Variants in CLSTN2 observed in about 807,000 individuals in gnomAD.
CLSTN2 encodes the protein calsyntenin-2.
Under a neutral mutation model 101.2 loss-of-function variants are expected in CLSTN2, and 48 were observed. The ratio of observed to expected loss-of-function variants is 0.47; its 90% CI spans 0.38 to 0.60. CLSTN2 has a LOEUF of 0.60. CLSTN2 is among the 20% of genes least tolerant of loss of function. The pLI is 0.00. For missense variants in CLSTN2, 1,160 were observed against 1,238.2 expected, an observed-to-expected ratio of 0.94 and a Z score of 0.95; for synonymous variants, 481 against 463.6, an observed-to-expected ratio of 1.04 and a Z score of -0.48.
At chr3:140,142,250 T>C (rs2009713286) in intron 1 of CLSTN2, among the ~76,000 whole-genome samples, 1 of 152,186 alleles carries the variant, frequency 6.6e-6, no homozygotes, top group Non-Finnish European at 1.5e-5. Flanking sequence ...CGTGGTTTCA[T>C]TGTTAATTTC....
intron 1 of CLSTN2, among the ~76,000 whole-genome samples, chr3:139,969,035 A>G (rs1439972510): frequency 6.9e-6 from 1 of 145,948 alleles, no homozygotes; most frequent in East Asian, 2.0e-4. Flanking sequence ...GGAGTTGTCT[A>G]GGACTTGGTA....
At chr3:140,375,905 G>T (rs575511766) in intron 2 of CLSTN2, among the ~76,000 whole-genome samples, 1 of 152,220 alleles carries the variant, frequency 6.6e-6, no homozygotes, top group South Asian at 2.1e-4. Flanking sequence ...CATCTTGGAT[G>T]CCCAGAAACA....
At chr3:140,317,836 T>C (rs896558099) in intron 2 of CLSTN2, among the ~76,000 whole-genome samples, 5 of 152,202 alleles carry the variant, frequency 3.3e-5, no homozygotes, top group Admixed American at 2.0e-4. Context: ...GTAATTTTTA[T>C]AATCAAGGCT....
intron 2 of CLSTN2, among the ~76,000 whole-genome samples, chr3:140,245,086 C>A (rs2086503780): frequency 6.6e-6 from 1 of 152,084 alleles, no homozygotes; most frequent in South Asian, 2.1e-4. Context: ...TTCGGGAGAC[C>A]CTGATCTAGT....
intron 1 of CLSTN2, among the ~76,000 whole-genome samples, chr3:140,003,181 C>T (rs902641054): frequency 2.6e-5 from 4 of 152,120 alleles, no homozygotes; most frequent in African/African-American, 9.7e-5. Context: ...AATATTGATT[C>T]TTCCAATCTA....
intron 4 of CLSTN2, among the ~76,000 whole-genome samples, chr3:140,413,401 A>G (rs2088388594): frequency 6.6e-6 from 1 of 152,164 alleles, no homozygotes; most frequent in African/African-American, 2.4e-5. Flanking sequence ...AATTCATAAT[A>G]ATAGTTTTTT....
intron 2 of CLSTN2, among the ~76,000 whole-genome samples, chr3:140,228,001 G>A (rs2086338388): frequency 6.6e-6 from 1 of 152,318 alleles, no homozygotes; most frequent in African/African-American, 2.4e-5. Context: ...TCTCTGACAT[G>A]CCCTGGAGAC....
intron 8 of CLSTN2, among the ~76,000 whole-genome samples, chr3:140,502,236 G>C (rs915473851): frequency 1.3e-5 from 2 of 152,198 alleles, no homozygotes; most frequent in Admixed American, 1.3e-4. Flanking sequence ...GCTCAGCACT[G>C]TCTGACCTGA....
chr3:140,025,592 TGAG>T (rs1272042263), intron 1 of CLSTN2, among the ~76,000 whole-genome samples: 29 of 152,044 alleles, frequency 1.9e-4, no homozygotes, highest in African/African-American at 6.8e-4. Context: ...TGACAGATGA[TGAG>T]GAGGGAGTTA....
chr3:140,038,459 C>A (rs1386077875), intron 1 of CLSTN2, among the ~76,000 whole-genome samples: 1 of 151,876 alleles, frequency 6.6e-6, no homozygotes, highest in African/African-American at 2.4e-5. Context: ...GTCAGATGGA[C>A]AGATTGTAAA....
At chr3:140,152,096 C>T (rs1025261656) in intron 1 of CLSTN2, among the ~76,000 whole-genome samples, 2 of 152,182 alleles carry the variant, frequency 1.3e-5, no homozygotes, top group Admixed American at 6.5e-5. Context: ...TACAAAATTA[C>T]ATCTGTTAGA....
chr3:140,230,294 A>G (rs1047624074), intron 2 of CLSTN2, among the ~76,000 whole-genome samples: 3 of 152,202 alleles, frequency 2.0e-5, no homozygotes, highest in Non-Finnish European at 4.4e-5. Flanking sequence ...TCAAATGGAT[A>G]GCATCATAAG....
At chr3:140,006,820 G>A (rs992712854) in intron 1 of CLSTN2, among the ~76,000 whole-genome samples, 7 of 152,138 alleles carry the variant, frequency 4.6e-5, no homozygotes, top group African/African-American at 1.2e-4. Flanking sequence ...TCAGTAAATA[G>A]TAGCTCTATC....
intron 2 of CLSTN2, among the ~76,000 whole-genome samples, chr3:140,377,022 C>CACAGAGAGAGAGAGAGAGAGAGAG (rs148236356): frequency 1.9e-4 from 28 of 148,832 alleles, no homozygotes; most frequent in Middle Eastern, 6.9e-3. Context: ...CACACATACA[C>CACAGAGAGAGAGAGAGAGAGAGAG]AGAGAGAGAG....
intron 1 of CLSTN2, among the ~76,000 whole-genome samples, chr3:139,956,806 ATAAT>A (rs1441156751): frequency 4.6e-5 from 7 of 152,314 alleles, no homozygotes; most frequent in Admixed American, 1.3e-4. Flanking sequence ...AAAAAAATAC[ATAAT>A]TTATTTTTTT....
chr3:140,161,186 A>T (rs16849989), intron 1 of CLSTN2, among the ~76,000 whole-genome samples: 2,273 of 152,228 alleles, frequency 0.015, 62 homozygotes, highest in African/African-American at 0.053. Context: ...CACCTTCAAC[A>T]GTGGAATTAC....
intron 1 of CLSTN2, among the ~76,000 whole-genome samples, chr3:140,139,103 G>A (rs752579521): frequency 9.9e-5 from 15 of 152,174 alleles, no homozygotes; most frequent in Non-Finnish European, 1.9e-4. Flanking sequence ...ATGATGTCAA[G>A]TGCCTAGCAC....
At chr3:140,235,281 C>T (rs1199310203) in intron 2 of CLSTN2, among the ~76,000 whole-genome samples, 2 of 152,092 alleles carry the variant, frequency 1.3e-5, no homozygotes, top group African/African-American at 4.8e-5. Context: ...CATGATTGAA[C>T]CCTGAAGGCC....
chr3:140,373,489 G>T (rs1576537941), intron 2 of CLSTN2, among the ~76,000 whole-genome samples: 1 of 152,202 alleles, frequency 6.6e-6, no homozygotes, highest in Admixed American at 6.5e-5. Flanking sequence ...TCTGTGATGT[G>T]CTGTCTATTA....
Sources: gnomAD v4.1 joint callset for allele counts (sites outside exome capture counted in the v4.1 genomes callset) on GRCh38, gnomAD v4.1.1 for gene constraint, MANE v1.5 for transcripts, NCBI Gene and HGNC (gene_info 2026-07-23, HGNC 2026-07-21) for gene names.